PCDH7: variants seen among roughly 807,000 people sequenced by gnomAD.
PCDH7 encodes the protein protocadherin-7.
Under a neutral mutation model 58.9 loss-of-function variants are expected in PCDH7, and 17 were observed. That is an observed-to-expected ratio of 0.29 (90% CI 0.20 to 0.43). PCDH7 has a LOEUF of 0.43. Among genes scored for constraint, PCDH7 ranks in the 20% least tolerant of loss-of-function variants. The pLI is 1.00. For synonymous variants in PCDH7, 664 were observed against 616.4 expected (o/e 1.08, Z -1.14); for missense variants, 1,274 against 1,441.0 (o/e 0.88, Z 1.88).
intron 3 of PCDH7, among the ~76,000 whole-genome samples, chr4:31,079,339 T>G (rs866832843): frequency 6.1e-4 from 43 of 70,118 alleles, no homozygotes; most frequent in South Asian, 3.3e-3. Context: ...TATATATATA[T>G]ATATATATAT....
At chr4:30,853,433 G>A (rs1733037528) in intron 1 of PCDH7, among the ~76,000 whole-genome samples, 2 of 152,050 alleles carry the variant, frequency 1.3e-5, no homozygotes, top group Admixed American at 6.6e-5. Context: ...TGGGCCTCTG[G>A]CCTATACTCA....
At position 30,721,509 on chromosome 4, in the gene PCDH7, C is replaced by G. The variant is rs199800979; in HGVS notation, c.87C>G (p.Ala29=). 1.9e-6 allele frequency: 3 copies of G among 1,599,652 alleles called. No individual in the cohort carries two copies. The East Asian group carries it at 6.7e-5, about 36-fold the overall frequency. ...TGCCGCTCTCGCTCAGCCTGGCGGC[C>G]GCCAAGCAGCTCCTCCGGTACCGGC... Residue 29 remains alanine, a synonymous_variant, in exon 1 of 2, where the codon GCC becomes GCG. Transcript: ENST00000361762. The surrounding 1 kb of genome is among the most constrained non-coding windows in gnomAD (Gnocchi z 6.7).
In PCDH7 at chr4:31,091,353, T is replaced by A. The variant is rs185490178; in HGVS notation, c.*8-51120T>A. Among the ~76,000 whole-genome samples, 10 of 152,094 alleles carry A rather than the reference T, an allele frequency of 6.6e-5. No individual in the cohort carries two copies. In the East Asian group the frequency reaches 1.7e-3, roughly 26 times the overall value. The stretch of plus-strand genomic sequence containing the variant: ...AATAGCTACATGACATATATATGTA[T>A]ATATGCTTATTGATTTGATTTGTGA... On this transcript the variant is annotated intron_variant, in intron 3 of 3. Transcript: ENST00000509759.
exon 2 of PCDH7, chr4:30,731,361 G>GTGTATA (rs1553874736): frequency 1.3e-5 from 2 of 149,840 alleles, no homozygotes; most frequent in Admixed American, 1.3e-4. Context: ...GTGTGTGTGT[G>GTGTATA]TATATATATA....
Position 30,721,436 on chromosome 4 carries a change from G to T in PCDH7, c.14G>T (p.Arg5Leu). ...CAGCAGGAGAAGATGCTGAGGATGCGGACCGCGGGATGGGCGCGCGGCTGG... is the reference window on the plus strand; with the variant it reads ...CAGCAGGAGAAGATGCTGAGGATGCTGACCGCGGGATGGGCGCGCGGCTGG... The change falls in exon 1 of 2, where the codon CGG (arginine) becomes CTG (leucine). Residue 5 changes from arginine to leucine, a missense_variant. By Grantham distance (102) the Arg-to-Leu change is moderately radical. This residue lies in a region of PCDH7 where 212 missense variants were observed against 255.8 expected (regional missense o/e 0.83). Coordinates refer to ENST00000361762, the Ensembl canonical transcript of PCDH7. This position sits in a 1 kb window ranked among gnomAD's most constrained non-coding sequence, Gnocchi z 6.7. 1 of 1,521,606 alleles carries T rather than the reference G, an allele frequency of 6.6e-7. No individual in the cohort carries two copies. Among genetic ancestry groups the T allele is most frequent in the Non-Finnish European group, 8.8e-7 (1 of 1,137,470 alleles). The allele number at this position is 1,521,606 out of a possible 1,614,324, so 94.3% of individuals were successfully genotyped here. A position where few individuals can be genotyped will look rare whatever the true frequency, so the allele number is the denominator to read the frequency against.
At position 30,722,076 on chromosome 4, in the gene PCDH7, C is replaced by T; in HGVS notation, c.654C>T (p.Gly218=). The T allele has an allele frequency of 7.7e-7, 1 of 1,294,248 alleles. No individual in the cohort carries two copies. Among genetic ancestry groups the T allele is most frequent in the South Asian group, 2.4e-5 (1 of 41,486 alleles). 80.2% of individuals were successfully genotyped at this position (1,294,248 alleles called of 1,614,324 possible). A position where few individuals can be genotyped will look rare whatever the true frequency, so the allele number is the denominator to read the frequency against. Residue 218 remains glycine, a synonymous_variant, in exon 1 of 2, where the codon GGC becomes GGT. Coordinates refer to ENST00000361762, the Ensembl canonical transcript of PCDH7. This position sits in a 1 kb window ranked among gnomAD's most constrained non-coding sequence, Gnocchi z 7.6. ...GCGGGAACGGCGCGAGCGGCGGCGG[C>T]TCGGGAGGCTCCAAGCGGCGGCTGG...
intron 3 of PCDH7, among the ~76,000 whole-genome samples, chr4:31,095,115 G>T (rs1378272532): frequency 6.9e-6 from 1 of 144,378 alleles, no homozygotes. Context: ...ACCAGACAGG[G>T]TATTTTTTTT....
chr4:30,733,567 C>T (rs1179943158), downstream of PCDH7, among the ~76,000 whole-genome samples: 1 of 152,120 alleles, frequency 6.6e-6, no homozygotes, highest in Non-Finnish European at 1.5e-5. Context: ...GCTGGGATTA[C>T]AGGTGTCCAC....
chr4:30,967,530 A>G (rs934539239), intron 3 of PCDH7, among the ~76,000 whole-genome samples: 8 of 152,166 alleles, frequency 5.3e-5, no homozygotes, highest in African/African-American at 1.9e-4. Flanking sequence ...AACATAGACA[A>G]TTGTATAAAC....
chr4:30,905,562 T>G (rs1263892621), intron 1 of PCDH7, among the ~76,000 whole-genome samples: 7 of 152,224 alleles, frequency 4.6e-5, no homozygotes, highest in Non-Finnish European at 1.5e-5. Flanking sequence ...CTGGGTTTAA[T>G]GCCTGACTTT....
At chr4:31,083,125 CA>C (rs1370148740) in intron 3 of PCDH7, among the ~76,000 whole-genome samples, 1 of 151,758 alleles carries the variant, frequency 6.6e-6, no homozygotes, top group Non-Finnish European at 1.5e-5. Flanking sequence ...AAAACAAAAA[CA>C]AAAACAAAAA....
intron 3 of PCDH7, among the ~76,000 whole-genome samples, chr4:31,109,570 AGGTTTG>A (rs1716025075): frequency 6.6e-6 from 1 of 152,184 alleles, no homozygotes; most frequent in South Asian, 2.1e-4. Context: ...TGCTACCTCT[AGGTTTG>A]AATGTGTTTA....
chr4:30,910,989 T>C (rs2109404860), intron 1 of PCDH7, among the ~76,000 whole-genome samples: 2 of 152,228 alleles, frequency 1.3e-5, no homozygotes, highest in South Asian at 4.1e-4. Flanking sequence ...TAAAAAAGAA[T>C]GAGTTCATGT....
At chr4:30,941,929 A>G (rs1350676091) in intron 2 of PCDH7, among the ~76,000 whole-genome samples, 1 of 151,944 alleles carries the variant, frequency 6.6e-6, no homozygotes, top group African/African-American at 2.4e-5. Flanking sequence ...AAGTTTTAAG[A>G]TATGTAATTT....
intron 1 of PCDH7, among the ~76,000 whole-genome samples, chr4:30,859,258 C>G (rs1247301798): frequency 6.6e-6 from 1 of 152,126 alleles, no homozygotes; most frequent in African/African-American, 2.4e-5. Context: ...GATAACCACA[C>G]AGCATTTTAA....
Position 31,050,593 on chromosome 4 carries a change from A to C in PCDH7, c.*8-91880A>C, listed in dbSNP as rs565324249. On this transcript the variant is annotated intron_variant, in intron 3 of 3. Transcript: ENST00000509759. ...TTGATTAGGCCTGTGGACATTAATG[A>C]CAATAATGTGATGTAAAAAGATTTT... 9.1e-4 allele frequency among the ~76,000 whole-genome samples: 138 copies of C among 152,266 alleles called. 1 individual carries two copies. The highest frequency in any genetic ancestry group is 3.2e-3 in the African/African-American group (133 of 41,560).
intron 3 of PCDH7, among the ~76,000 whole-genome samples, chr4:31,043,410 A>G (rs962579310): frequency 2.0e-5 from 3 of 152,116 alleles, no homozygotes; most frequent in African/African-American, 7.2e-5. Context: ...AACAGTGGAA[A>G]AGTGTTCCTT....
At chr4:31,134,402 G>T (rs1719347867) in intron 3 of PCDH7, among the ~76,000 whole-genome samples, 1 of 152,180 alleles carries the variant, frequency 6.6e-6, no homozygotes. Context: ...GGAGGTTGCA[G>T]TGAGCCAAGA....
downstream of PCDH7, chr4:31,145,049 C>A (rs945711786): frequency 6.6e-6 from 1 of 151,680 alleles, no homozygotes; most frequent in Non-Finnish European, 1.5e-5. Context: ...GGATGTTTGA[C>A]AAACTTTTTT....
Sources: gnomAD v4.1 joint callset for allele counts (sites outside exome capture counted in the v4.1 genomes callset) on GRCh38, gnomAD v4.1.1 for gene constraint, gnomAD v4.1.1 regional missense constraint, Gnocchi (gnomAD v3.1) non-coding constraint, MANE v1.5 for transcripts, NCBI Gene and HGNC (gene_info 2026-07-23, HGNC 2026-07-21) for gene names.